Variants in NXPE3 observed in about 807,000 individuals in gnomAD.
The protein encoded by NXPE3 is NXPE family member 3.
In NXPE3, 26 loss-of-function variants were observed where a neutral mutation model predicts 46.1. The ratio of observed to expected loss-of-function variants is 0.56; its 90% CI spans 0.41 to 0.78. NXPE3 has a LOEUF of 0.78. Ranked by LOEUF, NXPE3 falls within the 30% of genes least tolerant of loss-of-function variation. The pLI, the probability that NXPE3 is intolerant of heterozygous loss-of-function variation, is 0.00. For missense variants in NXPE3, 620 were observed against 686.0 expected (o/e 0.90, Z 1.07); for synonymous variants, 272 against 257.9 (o/e 1.05, Z -0.52).
intron 5 of NXPE3, among the ~76,000 whole-genome samples, chr3:101,804,428 C>A (rs1367966949): frequency 6.6e-6 from 1 of 152,142 alleles, no homozygotes; most frequent in African/African-American, 2.4e-5. Context: ...ATTTTATTTA[C>A]CTGGAAGTTT....
chr3:101,806,025 T>C (rs1941402095), intron 5 of NXPE3, among the ~76,000 whole-genome samples: 1 of 152,146 alleles, frequency 6.6e-6, no homozygotes, highest in African/African-American at 2.4e-5. Flanking sequence ...GATTATGCTG[T>C]AATGTGGCCA....
At chr3:101,803,947 A>G (rs1385743717) in intron 5 of NXPE3, among the ~76,000 whole-genome samples, 1 of 152,178 alleles carries the variant, frequency 6.6e-6, no homozygotes, top group African/African-American at 2.4e-5. Context: ...TTTTTAAGTT[A>G]TTATGGATAC....
Position 101,825,588 on chromosome 3 carries a change from CA to C in NXPE3, c.*3635del. 2 of 152,134 alleles carry C rather than the reference CA, an allele frequency of 1.3e-5. No individual in the cohort carries two copies. The highest frequency in any genetic ancestry group is 4.1e-4 in the South Asian group (2 of 4,824). 9.4% of individuals were successfully genotyped at this position (152,134 alleles called of 1,614,324 possible). On this transcript the variant is annotated 3_prime_UTR_variant, in exon 8 of 8. Transcript: ENST00000273347. ...TATATTTTCTTGCAGGTTTTTTAAC[CA>C]TATACTTATAGAGAATATGTAATTT...
rs1343111122 is a variant in NXPE3, at chr3:101,827,300, A to C, written c.*5346A>C. ...AGTGAAACTAAATGTCATAGGAGAA[A>C]TCCTTTCAGTTTTGTGCAGTGGTTC... On this transcript the variant is annotated 3_prime_UTR_variant, in exon 8 of 8. Transcript: ENST00000273347. The C allele has an allele frequency of 6.6e-6, 1 of 152,144 alleles. No homozygotes were observed. The highest frequency in any genetic ancestry group is 1.9e-4 in the East Asian group (1 of 5,192). The allele number at this position is 152,144 out of a possible 1,614,324, so 9.4% of individuals were successfully genotyped here.
In NXPE3 at chr3:101,782,720, C is replaced by G. The variant is rs1939896029; in HGVS notation, c.-256C>G. 1 of 152,150 alleles carries G rather than the reference C, an allele frequency of 6.6e-6. No homozygotes were observed. 9.4% of individuals were successfully genotyped at this position (152,150 alleles called of 1,614,324 possible). A position where few individuals can be genotyped will look rare whatever the true frequency, so the allele number is the denominator to read the frequency against. ...TGTGATGATCATGGTTCACTGCAGC[C>G]TCGACCTCCCAGGCTCAAGCAATTC... On this transcript the variant is annotated 5_prime_UTR_variant, in exon 3 of 8. Coordinates refer to ENST00000273347, the MANE Select transcript of NXPE3 (RefSeq NM_145037.4).
rs775845327 is a variant in NXPE3 at position 101,816,731 on chromosome 3, G to T, written c.923-64G>T. ...AATACATGGGCATAATTGTTTCTTG[G>T]GACATTTTTCATCTATTGTTGGAGG... On this transcript the variant is annotated intron_variant, in intron 6 of 7. Coordinates refer to ENST00000273347, the MANE Select transcript of NXPE3 (RefSeq NM_145037.4). 82 of 1,276,350 alleles carry T rather than the reference G, an allele frequency of 6.4e-5. No homozygotes were observed. In the Middle Eastern group the frequency reaches 7.9e-4, roughly 12 times the overall value. The allele number at this position is 1,276,350 out of a possible 1,614,324, so 79.1% of individuals were successfully genotyped here.
intron 1 of NXPE3, among the ~76,000 whole-genome samples, chr3:101,781,278 A>G (rs1365926726): frequency 1.3e-5 from 2 of 152,212 alleles, no homozygotes; most frequent in African/African-American, 4.8e-5. Flanking sequence ...CAGTTGTCCT[A>G]TAATATATTA....
chr3:101,785,473 A>G lies in NXPE3; in HGVS notation c.-124A>G, dbSNP rs1425713200. ...CCTCTGCATAAGAGCTCTTAAGGGT[A>G]CTAGCAGGATAGAAGCAAATGAAAC... On this transcript the variant is annotated 5_prime_UTR_variant, in exon 4 of 8. Coordinates refer to ENST00000273347, the MANE Select transcript of NXPE3 (RefSeq NM_145037.4). 3 of 786,514 alleles carry G rather than the reference A, an allele frequency of 3.8e-6. No homozygotes were observed. The highest frequency in any genetic ancestry group is 3.4e-5 in the African/African-American group (2 of 59,374). The allele number at this position is 786,514 out of a possible 1,614,324, so 48.7% of individuals were successfully genotyped here. A position where few individuals can be genotyped will look rare whatever the true frequency, so the allele number is the denominator to read the frequency against.
intron 6 of NXPE3, among the ~76,000 whole-genome samples, chr3:101,810,113 G>A (rs1941642515): frequency 6.6e-6 from 1 of 152,228 alleles, no homozygotes; most frequent in African/African-American, 2.4e-5. Context: ...AGGAAAAACA[G>A]TTTTTAGTTC....
chr3:101,801,417 G>A lies in NXPE3; in HGVS notation c.276G>A (p.Val92=). The change falls in exon 5 of 8, where the codon GTG becomes GTA. Residue 92 remains valine (V), a synonymous_variant. Transcript: ENST00000273347. ...CCTTGCACCGGCAGGTTCCTGATGTGGGCCCAGTCCCCTTTGTGAAGAGCA... is the reference window on the plus strand; with the variant it reads ...CCTTGCACCGGCAGGTTCCTGATGTAGGCCCAGTCCCCTTTGTGAAGAGCA... ...LAALHRQVPD[V]GPVPFVKSTD... is the part of the protein sequence containing the mutation. The A allele has an allele frequency of 6.2e-7, 1 of 1,614,160 alleles. No homozygotes were observed. The highest frequency in any genetic ancestry group is 8.5e-7 in the Non-Finnish European group (1 of 1,180,040).
In NXPE3 at chr3:101,801,484, G is replaced by T; in HGVS notation, c.343G>T (p.Ala115Ser). ...CTACTTTGTCATCTTGAACTCTGCTGCCTTCTTTAAGGTGGGAAGCCAGCT... is the reference window on the plus strand; with the variant it reads ...CTACTTTGTCATCTTGAACTCTGCTTCCTTCTTTAAGGTGGGAAGCCAGCT... ...SSYFVILNSAAFFKVGSQLEV... is the reference protein window; with the variant it reads ...SSYFVILNSASFFKVGSQLEV... The change falls in exon 5 of 8, where the codon GCC becomes TCC. Residue 115 changes from alanine to serine, a missense_variant. Physicochemically the swap from Ala to Ser is moderately conservative, Grantham distance 99. Coordinates refer to ENST00000273347, the MANE Select transcript of NXPE3 (RefSeq NM_145037.4). 1 of 1,614,156 alleles carries T rather than the reference G, an allele frequency of 6.2e-7. No homozygotes were observed. Among genetic ancestry groups the T allele is most frequent in the South Asian group, 1.1e-5 (1 of 91,068 alleles).
At chr3:101,798,131 A>G (rs1479016674) in intron 4 of NXPE3, among the ~76,000 whole-genome samples, 1 of 149,712 alleles carries the variant, frequency 6.7e-6, no homozygotes, top group East Asian at 2.0e-4. Flanking sequence ...CTGGTGTGAG[A>G]TGATATCTCA....
chr3:101,807,241 T>A, intron 6 of NXPE3, 115 bp downstream of exon 6: 1 of 695,332 alleles, frequency 1.4e-6, no homozygotes, highest in East Asian at 2.6e-5. Context: ...CTGGGCACAA[T>A]TGAAAATATT....
chr3:101,816,299 T>G (rs1205462596), intron 6 of NXPE3, among the ~76,000 whole-genome samples: 1 of 152,080 alleles, frequency 6.6e-6, no homozygotes, highest in Non-Finnish European at 1.5e-5. Context: ...TACTTTTAAG[T>G]TCTGGGATAC....
At chr3:101,813,598 AT>A (rs1941824147) in intron 6 of NXPE3, among the ~76,000 whole-genome samples, 1 of 152,204 alleles carries the variant, frequency 6.6e-6, no homozygotes, top group Non-Finnish European at 1.5e-5. Flanking sequence ...ATAATAAAAA[AT>A]ATCCCTTCTG....
intron 7 of NXPE3, among the ~76,000 whole-genome samples, chr3:101,819,428 TTTG>T (rs1455483372): frequency 6.6e-6 from 1 of 152,194 alleles, no homozygotes; most frequent in African/African-American, 2.4e-5. Flanking sequence ...GAATTTTTAA[TTTG>T]CGATGCTATC....
chr3:101,808,843 A>ATATATATG (rs1941567390), intron 6 of NXPE3, among the ~76,000 whole-genome samples: 1 of 107,758 alleles, frequency 9.3e-6, no homozygotes, highest in Non-Finnish European at 1.8e-5. Flanking sequence ...ATATATATAT[A>ATATATATG]TATATATATA....
intron 4 of NXPE3, among the ~76,000 whole-genome samples, chr3:101,791,874 C>G (rs994701834): frequency 6.6e-6 from 1 of 152,174 alleles, no homozygotes; most frequent in African/African-American, 2.4e-5. Flanking sequence ...ATAATGCTTT[C>G]CACAATCGTT....
At chr3:101,805,587 G>A (rs1288325489) in intron 5 of NXPE3, among the ~76,000 whole-genome samples, 7 of 151,960 alleles carry the variant, frequency 4.6e-5, no homozygotes, top group South Asian at 4.2e-4. Context: ...TACTAGGCAC[G>A]CACCACCATA....
Sources: gnomAD v4.1 joint callset for allele counts (sites outside exome capture counted in the v4.1 genomes callset) on GRCh38, gnomAD v4.1.1 for gene constraint, MANE v1.5 for transcripts, NCBI Gene and HGNC (gene_info 2026-07-23, HGNC 2026-07-21) for gene names.